EXOC7: variants seen among roughly 807,000 people sequenced by gnomAD.
The protein encoded by EXOC7 is exocyst complex component Exo70.
A neutral mutation model predicts 87.6 loss-of-function variants in EXOC7; 51 were observed. The observed-to-expected ratio is 0.58, with a 90% CI of 0.46 to 0.73. The LOEUF is 0.73. EXOC7 is among the 30% of genes least tolerant of loss of function. The probability of loss-of-function intolerance (pLI) is 0.00; values close to 1 mark genes in which losing one functional copy is unlikely to be tolerated. For synonymous variants in EXOC7, 327 were observed against 357.1 expected (o/e 0.92, Z 0.95); for missense variants, 744 against 888.4 (o/e 0.84, Z 2.07).
rs918513710 is a variant in EXOC7 at position 76,085,569 on chromosome 17, C to T, written c.1616+108G>A. On this transcript the variant is annotated intron_variant, in intron 14 of 18. Coordinates refer to ENST00000589210, the MANE Select transcript of EXOC7 (RefSeq NM_001013839.4). ...TGGGGTGGAGGAGACTGAAGCACCC[C>T]CTCCCCTCTCGTCCACAAGAGAAGG... 2.5e-6 allele frequency: 4 copies of T among 1,570,666 alleles called. No individual in the cohort carries two copies. The East Asian group carries it at 6.7e-5, about 26-fold the overall frequency.
At chr17:76,101,520 G>C in intron 3 of EXOC7, 144 bp from the exon 4 acceptor site, 22 of 1,334,860 alleles carry the variant, frequency 1.6e-5, no homozygotes, top group Non-Finnish European at 2.2e-5. Flanking sequence ...AAGGCCTAGG[G>C]CTTAAAAGGC....
At chr17:76,096,935 C>T (rs1054051119) in intron 5 of EXOC7, among the ~76,000 whole-genome samples, 3 of 152,102 alleles carry the variant, frequency 2.0e-5, no homozygotes, top group African/African-American at 7.2e-5. Flanking sequence ...TTGCAACCTC[C>T]ACCTCCCAGG....
chr17:76,090,526 G>T lies in EXOC7; in HGVS notation c.901+617C>A, dbSNP rs1321105593. ...ACGTCAGATGGGGATGGGGAAGGGG[G>T]CATCGGAGAGGGCCCTGAGCCCCTC... On this transcript the variant is annotated intron_variant, in intron 7 of 18. Transcript: ENST00000589210. 1.2e-5 allele frequency: 18 copies of T among 1,528,002 alleles called. No homozygotes were observed. The Admixed American group carries it at 3.0e-4, about 25-fold the overall frequency. 94.7% of individuals were successfully genotyped at this position (1,528,002 alleles called of 1,614,324 possible).
At chr17:76,102,417 G>GACACAC (rs3073225) in intron 2 of EXOC7, among the ~76,000 whole-genome samples, 175 of 144,128 alleles carry the variant, frequency 1.2e-3, no homozygotes, top group Middle Eastern at 6.9e-3. Flanking sequence ...TACACACACA[G>GACACAC]ACACACACAC....
rs750580300 is a variant in EXOC7 at position 76,097,864 on chromosome 17, A to G, written c.572T>C (p.Leu191Pro). 1.2e-6 allele frequency: 2 copies of G among 1,614,138 alleles called. No individual in the cohort carries two copies. The highest frequency in any genetic ancestry group is 1.1e-5 in the South Asian group (1 of 91,084). ...EAQEDVTLEH[L>P]PESVLQDVIR... The stretch of plus-strand genomic sequence containing the variant: ...GACATCCTGGAGCACGCTCTCGGGC[A>G]GGTGCTCCAGGGTCACGTCCTCCTG... The change falls in exon 5 of 19, where the codon CTG becomes CCG. Residue 191 changes from leucine (L) to proline (P), a missense_variant. Leu to Pro is a moderately conservative substitution (Grantham distance 98, BLOSUM62 -3). Transcript: ENST00000589210.
intron 12 of EXOC7, among the ~76,000 whole-genome samples, chr17:76,086,586 C>G (rs769999317): frequency 3.9e-5 from 6 of 152,186 alleles, no homozygotes; most frequent in Non-Finnish European, 7.3e-5. Flanking sequence ...GCGGCCTGCA[C>G]AGTGGGGAAG....
At position 76,081,631 on chromosome 17, in the gene EXOC7, G is replaced by A. The variant is rs749241026; in HGVS notation, c.*2017C>T. 4 of 1,614,126 alleles carry A rather than the reference G, an allele frequency of 2.5e-6. No individual in the cohort carries two copies. In the African/African-American group the frequency reaches 5.3e-5, roughly 22 times the overall value. On this transcript the variant is annotated 3_prime_UTR_variant, in exon 19 of 19. Coordinates refer to ENST00000589210, the MANE Select transcript of EXOC7 (RefSeq NM_001013839.4). ...TGCTGTTGGCTGACGTGTGCGGGGG[G>A]TTGCTGCCCCTCCGGGCCATTGAGC...
intron 4 of EXOC7, among the ~76,000 whole-genome samples, chr17:76,098,433 G>C (rs893287490): frequency 4.0e-5 from 6 of 151,860 alleles, no homozygotes; most frequent in Non-Finnish European, 7.4e-5. Context: ...ACTGCACCTG[G>C]CCTGCCCTGA....
rs750903396 is a variant in EXOC7 at position 76,083,684 on chromosome 17, G to A, written c.2019C>T (p.Gly673=). Residue 673 remains glycine, a synonymous_variant, in exon 19 of 19, where the codon GGC becomes GGT. Transcript: ENST00000589210. ...KYIKYGVEQV[G]DMIDRLFDTS... Reference sequence around the variant, plus strand: ...TGTCGAAAAGGCGATCGATCATGTCGCCCACCTGCTCCACCCCGTACTTGA... The same window carrying A: ...TGTCGAAAAGGCGATCGATCATGTCACCCACCTGCTCCACCCCGTACTTGA... 5 of 1,613,792 alleles carry A rather than the reference G, an allele frequency of 3.1e-6. No individual in the cohort carries two copies. Among genetic ancestry groups the A allele is most frequent in the South Asian group, 1.1e-5 (1 of 91,056 alleles).
chr17:76,088,011 C>T lies in EXOC7; in HGVS notation c.1362+49G>A, dbSNP rs375485336. The T allele has an allele frequency of 5.0e-5, 80 of 1,606,952 alleles. 1 individual carries two copies. The African/African-American group carries it at 9.3e-4, about 19-fold the overall frequency. On this transcript the variant is annotated intron_variant, in intron 11 of 18. Transcript: ENST00000589210. ...ACTCTGCCTGGCCCTGGGCCTGGGC[C>T]TGGGCCCTCCTTCCTCCCCTCTCCC...
intron 2 of EXOC7, chr17:76,103,046 A>G: frequency 3.0e-6 from 1 of 333,114 alleles, no homozygotes; most frequent in Non-Finnish European, 5.6e-6. Context: ...ACTGACAATG[A>G]CATATGCCCA....
In EXOC7 at chr17:76,088,782, G is replaced by A. The variant is rs1014794733; in HGVS notation, c.1189C>T (p.Gln397Ter). 1.2e-6 allele frequency: 2 copies of A among 1,613,736 alleles called. No homozygotes were observed. The highest frequency in any genetic ancestry group is 8.5e-7 in the Non-Finnish European group (1 of 1,180,030). Reference protein sequence around the residue: ...HLKQTKPEFDQVLQGTAASTK... With the variant: ...HLKQTKPEFD ...CCTCGCCCACATACCTGGAGCACCT[G>A]GTCAAACTCAGGCTTGGTCTGCTTG... The change falls in exon 9 of 19, where the codon CAG (glutamine) becomes TAG (stop). Residue 397 changes from glutamine to a stop codon, truncating the protein, a stop_gained. Transcript: ENST00000589210. LOFTEE classifies it high-confidence loss of function.
At chr17:76,101,203 G>A (rs764710147) in intron 4 of EXOC7, 68 bp downstream of exon 4, 2 of 1,613,510 alleles carry the variant, frequency 1.2e-6, no homozygotes, top group South Asian at 2.2e-5. Flanking sequence ...CTGGCTCCAT[G>A]TCCCTCATGA....
At position 76,081,142 on chromosome 17, in the gene EXOC7, C is replaced by T. The variant is rs758571383; in HGVS notation, c.*2506G>A. 7.8e-5 allele frequency: 98 copies of T among 1,252,866 alleles called. No homozygotes were observed. The highest frequency in any genetic ancestry group is 1.0e-4 in the Non-Finnish European group (91 of 896,230). 77.6% of individuals were successfully genotyped at this position (1,252,866 alleles called of 1,614,324 possible). ...AGGTTTGGGAAGCCCTTCTATGGAT[C>T]GGTTTTGTGTCCAAGTCTGTCCCTG... is the stretch of plus-strand genomic sequence containing the variant. On this transcript the variant is annotated 3_prime_UTR_variant, in exon 19 of 19. Transcript: ENST00000589210.
rs1796267489 is a variant in EXOC7, at chr17:76,081,642, T to C, written c.*2006A>G. ...GACGTGTGCGGGGGGTTGCTGCCCC[T>C]CCGGGCCATTGAGCGCATAGGCTAC... On this transcript the variant is annotated 3_prime_UTR_variant, in exon 19 of 19. Coordinates refer to ENST00000589210, the MANE Select transcript of EXOC7 (RefSeq NM_001013839.4). 9 of 1,614,104 alleles carry C rather than the reference T, an allele frequency of 5.6e-6. No homozygotes were observed. Among genetic ancestry groups the C allele is most frequent in the Non-Finnish European group, 7.6e-6 (9 of 1,180,022 alleles).
chr17:76,096,580 T>C (rs1177355749), intron 5 of EXOC7, among the ~76,000 whole-genome samples: 1 of 152,196 alleles, frequency 6.6e-6, no homozygotes, highest in African/African-American at 2.4e-5. Context: ...TCCTTTCTTT[T>C]TTTTGAGATG....
chr17:76,095,824 C>T (rs1245609035), intron 5 of EXOC7, among the ~76,000 whole-genome samples: 1 of 152,156 alleles, frequency 6.6e-6, no homozygotes, highest in Admixed American at 6.5e-5. Context: ...AAAAGCAATT[C>T]ACAAAGGTAT....
In EXOC7 at chr17:76,081,203, T is replaced by C; in HGVS notation, c.*2445A>G. The C allele has an allele frequency of 6.3e-7, 1 of 1,589,052 alleles. No homozygotes were observed. The stretch of plus-strand genomic sequence containing the variant: ...TCAAAAGTCTCCATCACCCCTGGGC[T>C]CCAGTCTGCTACCCCCAGACTTGGC... On this transcript the variant is annotated 3_prime_UTR_variant, in exon 19 of 19. Transcript: ENST00000589210.
At chr17:76,102,783 T>C (rs2068136410) in intron 2 of EXOC7, among the ~76,000 whole-genome samples, 1 of 152,196 alleles carries the variant, frequency 6.6e-6, no homozygotes, top group South Asian at 2.1e-4. Context: ...CTGTGCAAGA[T>C]GCAGTCGCAT....
Sources: allele counts gnomAD v4.1 joint callset (sites outside exome capture counted in the v4.1 genomes callset), GRCh38; gene constraint gnomAD v4.1.1; transcripts MANE v1.5; gene names NCBI Gene and HGNC (gene_info 2026-07-23, HGNC 2026-07-21).